The following TINAG variants were observed in gnomAD, a reference collection of about 807,000 sequenced individuals.
TINAG encodes tubulointerstitial nephritis antigen.
TINAG carries 83 observed loss-of-function variants against 72.7 expected under a neutral mutation model. The observed-to-expected ratio is 1.14, with a 90% CI of 0.96 to 1.37. The LOEUF (loss-of-function observed/expected upper bound fraction) is 1.37, where lower values mean the gene tolerates loss of function less well. Ranked by LOEUF, TINAG falls within the 40% of genes most tolerant of loss-of-function variation. TINAG has a pLI of 0.00. For synonymous variants in TINAG, 234 were observed against 189.9 expected, an observed-to-expected ratio of 1.23 and a Z score of -1.91; for missense variants, 685 against 576.6, an observed-to-expected ratio of 1.19 and a Z score of -1.93.
rs187089547 is a variant in TINAG, at chr6:54,310,744, T to G, written c.355+1839T>G. Among the ~76,000 whole-genome samples, 1,039 of 145,134 alleles carry G rather than the reference T, an allele frequency of 7.2e-3. 5 individuals carry two copies. The highest frequency in any genetic ancestry group is 0.035 in the Middle Eastern group (10 of 286). ...TTTCTTTTTTCTCTCTTTCTCTCCC[T>G]CTTCTCTTTCTTTTTTCTCTCTCTT... On this transcript the variant is annotated intron_variant, in intron 1 of 10. Transcript: ENST00000259782.
At chr6:54,380,003 C>T (rs542152752) in intron 9 of TINAG, among the ~76,000 whole-genome samples, 1 of 152,172 alleles carries the variant, frequency 6.6e-6, no homozygotes, top group Non-Finnish European at 1.5e-5. Context: ...TTGTTCAACT[C>T]TCACTTGTGA....
chr6:54,385,830 A>G (rs1362125164), intron 10 of TINAG, among the ~76,000 whole-genome samples: 2 of 151,684 alleles, frequency 1.3e-5, no homozygotes, highest in Non-Finnish European at 2.9e-5. Flanking sequence ...ACTAAAATCA[A>G]TCAATATAGT....
chr6:54,337,693 A>G (rs1222661843), intron 4 of TINAG, among the ~76,000 whole-genome samples: 3 of 152,182 alleles, frequency 2.0e-5, no homozygotes, highest in African/African-American at 4.8e-5. Flanking sequence ...GGAAAAACAC[A>G]GTTATATACT....
chr6:54,325,018 G>T (rs913204338), intron 3 of TINAG, among the ~76,000 whole-genome samples: 2 of 152,130 alleles, frequency 1.3e-5, no homozygotes, highest in South Asian at 2.1e-4. Context: ...TTACTTATCT[G>T]TCATTCCCTA....
chr6:54,381,316 T>G (rs891488494), intron 10 of TINAG, among the ~76,000 whole-genome samples: 1 of 150,472 alleles, frequency 6.6e-6, no homozygotes, highest in East Asian at 1.9e-4. Context: ...TTCGGTTTAT[T>G]ACAACAAGCT....
At chr6:54,380,783 A>C (rs928943655) in intron 10 of TINAG, among the ~76,000 whole-genome samples, 1 of 151,826 alleles carries the variant, frequency 6.6e-6, no homozygotes, top group African/African-American at 2.4e-5. Flanking sequence ...ATTGTAAAAG[A>C]AAAATCAGTG....
chr6:54,324,323 G>GT (rs920917968), intron 3 of TINAG, among the ~76,000 whole-genome samples: 1 of 152,156 alleles, frequency 6.6e-6, no homozygotes, highest in African/African-American at 2.4e-5. Flanking sequence ...CTTACTCTAT[G>GT]TCTTGTGGTT....
At chr6:54,328,592 C>G (rs112077775) in intron 4 of TINAG, among the ~76,000 whole-genome samples, 18,154 of 151,922 alleles carry the variant, frequency 0.12, 1,249 homozygotes, top group African/African-American at 0.18. Flanking sequence ...TCCTTGCAAG[C>G]AAGTGAACAA....
At chr6:54,378,519 T>C (rs868196276) in intron 9 of TINAG, among the ~76,000 whole-genome samples, 1 of 152,168 alleles carries the variant, frequency 6.6e-6, no homozygotes, top group Non-Finnish European at 1.5e-5. Flanking sequence ...TTTTGCATCA[T>C]TGAAATTATT....
At chr6:54,311,294 C>T (rs534534196) in intron 1 of TINAG, among the ~76,000 whole-genome samples, 47 of 152,234 alleles carry the variant, frequency 3.1e-4, no homozygotes, top group African/African-American at 9.6e-4. Context: ...TCATCTAACT[C>T]CCTGTTCCCT....
In TINAG at chr6:54,360,841, G is replaced by GTTTTTTTTTT. The variant is rs70983415; in HGVS notation, c.1250+6227_1250+6236dup. 3.0e-3 allele frequency among the ~76,000 whole-genome samples: 80 copies of GTTTTTTTTTT among 26,252 alleles called. 16 individuals are homozygous for GTTTTTTTTTT. Among genetic ancestry groups the GTTTTTTTTTT allele is most frequent in the Non-Finnish European group, 4.8e-3 (57 of 11,790 alleles). The allele number at this position is 26,252 out of a possible 152,430, so 17.2% of individuals were successfully genotyped here. A position where few individuals can be genotyped will look rare whatever the true frequency, so the allele number is the denominator to read the frequency against. ...GTTTCTTGTGTTTCACAGATACTGT[G>GTTTTTTTTTT]TTTTTTTTTTTTTTTTTTTTTTTTT... On this transcript the variant is annotated intron_variant, in intron 9 of 10. Coordinates refer to ENST00000259782, the MANE Select transcript of TINAG (RefSeq NM_014464.4).
At chr6:54,318,694 G>A (rs114972280) in intron 1 of TINAG, among the ~76,000 whole-genome samples, 425 of 152,200 alleles carry the variant, frequency 2.8e-3, no homozygotes, top group Non-Finnish European at 4.0e-3. Context: ...GCTACATGAT[G>A]TATATTTTTG....
intron 10 of TINAG, among the ~76,000 whole-genome samples, chr6:54,380,791 G>T (rs990298374): frequency 6.6e-6 from 1 of 151,620 alleles, no homozygotes; most frequent in Non-Finnish European, 1.5e-5. Flanking sequence ...AGAAAAATCA[G>T]TGTTTATTTT....
intron 4 of TINAG, among the ~76,000 whole-genome samples, chr6:54,342,658 G>A (rs1785027137): frequency 6.6e-6 from 1 of 152,084 alleles, no homozygotes; most frequent in Non-Finnish European, 1.5e-5. Context: ...GTGAGCCACC[G>A]TGCCCAGTCC....
intron 9 of TINAG, among the ~76,000 whole-genome samples, chr6:54,358,714 T>C (rs1763137256): frequency 6.6e-6 from 1 of 151,930 alleles, no homozygotes; most frequent in East Asian, 1.9e-4. Flanking sequence ...AATAAATTCC[T>C]TACTACTACT....
intron 9 of TINAG, among the ~76,000 whole-genome samples, chr6:54,358,376 A>G (rs1763122435): frequency 6.6e-6 from 1 of 151,718 alleles, no homozygotes; most frequent in South Asian, 2.1e-4. Context: ...TGTCTGTATT[A>G]TTTACTGAGG....
intron 3 of TINAG, among the ~76,000 whole-genome samples, chr6:54,325,465 G>A (rs1218595669): frequency 6.6e-6 from 1 of 152,118 alleles, no homozygotes; most frequent in Admixed American, 6.5e-5. Flanking sequence ...ATATCTCACA[G>A]TAGAACATAC....
chr6:54,354,828 A>G (rs1762983260), intron 9 of TINAG, among the ~76,000 whole-genome samples, 192 bp downstream of exon 9: 1 of 151,894 alleles, frequency 6.6e-6, no homozygotes, highest in South Asian at 2.1e-4. Flanking sequence ...ATTCTGGGAA[A>G]AATGATCTTT....
intron 9 of TINAG, among the ~76,000 whole-genome samples, chr6:54,359,991 A>G (rs574265509): frequency 1.5e-4 from 23 of 151,940 alleles, no homozygotes; most frequent in African/African-American, 4.8e-4. Flanking sequence ...AGGTGAAACT[A>G]TTAGATTAAA....
Sources: allele counts gnomAD v4.1 joint callset (sites outside exome capture counted in the v4.1 genomes callset), GRCh38; gene constraint gnomAD v4.1.1; transcripts MANE v1.5; gene names NCBI Gene and HGNC (gene_info 2026-07-23, HGNC 2026-07-21).